Variants in FAXC observed in about 807,000 individuals in gnomAD.
FAXC encodes failed axon connections homolog.
FAXC carries 10 observed loss-of-function variants against 41.9 expected under a neutral mutation model. That is an observed-to-expected ratio of 0.24 (90% confidence interval 0.15 to 0.41). The LOEUF is 0.41. Among genes scored for constraint, FAXC ranks in the 10% least tolerant of loss-of-function variants. The pLI is 1.00. For missense variants in FAXC, 399 were observed against 510.9 expected (o/e 0.78, Z 2.11); for synonymous variants, 183 against 183.8 (o/e 1.00, Z 0.03).
intron 2 of FAXC, among the ~76,000 whole-genome samples, chr6:99,333,798 G>C (rs9321482): frequency 6.6e-6 from 1 of 151,934 alleles, no homozygotes; most frequent in African/African-American, 2.4e-5. Context: ...GATGGAAAAG[G>C]AAAAAAAAGA....
intron 5 of FAXC, among the ~76,000 whole-genome samples, chr6:99,286,569 G>A (rs956297045): frequency 1.3e-5 from 2 of 152,198 alleles, no homozygotes; most frequent in African/African-American, 4.8e-5. Context: ...AGCACAGAAG[G>A]TTGAGCTCCT....
intron 1 of FAXC, among the ~76,000 whole-genome samples, chr6:99,348,448 G>A (rs1458625538): frequency 6.6e-6 from 1 of 152,102 alleles, no homozygotes; most frequent in Non-Finnish European, 1.5e-5. Flanking sequence ...AACTGTTTAC[G>A]GCACTGGGCG....
rs766673194 is a variant in FAXC at position 99,281,374 on chromosome 6, A to G, written c.1020T>C (p.Asn340=). 6.2e-7 allele frequency: 1 copy of G among 1,614,134 alleles called. No individual in the cohort carries two copies. The highest frequency in any genetic ancestry group is 1.1e-5 in the South Asian group (1 of 91,078). ...TGCTCTCCTCAGACTCATAGATGGT[A>G]TTGTCATCATCGTGGTGCCACTCTG... is the stretch of plus-strand genomic sequence containing the variant. ...FWPEWHHDDD[N]TIYESEESSE... The change falls in exon 6 of 6, where the codon AAT becomes AAC. Residue 340 remains asparagine (N), a synonymous_variant. Coordinates refer to ENST00000389677, the MANE Select transcript of FAXC (RefSeq NM_032511.4).
At chr6:99,303,041 G>A (rs1771774462) in intron 4 of FAXC, among the ~76,000 whole-genome samples, 1 of 152,122 alleles carries the variant, frequency 6.6e-6, no homozygotes, top group Non-Finnish European at 1.5e-5. Flanking sequence ...AGTGGGGTCA[G>A]TGGGAAAAAA....
chr6:99,326,019 T>C (rs1772789472), intron 3 of FAXC, among the ~76,000 whole-genome samples: 1 of 152,174 alleles, frequency 6.6e-6, no homozygotes, highest in South Asian at 2.1e-4. Context: ...TGCAAGAACT[T>C]CTGTAAGGGG....
intron 4 of FAXC, among the ~76,000 whole-genome samples, chr6:99,297,468 G>A (rs774195085): frequency 3.3e-4 from 51 of 152,254 alleles, no homozygotes; most frequent in South Asian, 1.9e-3. Context: ...AAGCTGAAGC[G>A]AGCTGAACTT....
chr6:99,332,350 A>G (rs925874284), intron 3 of FAXC, among the ~76,000 whole-genome samples: 2 of 152,228 alleles, frequency 1.3e-5, no homozygotes, highest in African/African-American at 4.8e-5. Flanking sequence ...CTGCCTGCAG[A>G]TAACAATTAA....
intron 4 of FAXC, chr6:99,309,882 G>A: frequency 1.0e-6 from 1 of 983,634 alleles, no homozygotes; most frequent in South Asian, 4.7e-5. Context: ...TGGTTTTCAG[G>A]TCAAATTATT....
chr6:99,327,423 T>C (rs1772854734), intron 3 of FAXC, among the ~76,000 whole-genome samples: 1 of 152,200 alleles, frequency 6.6e-6, no homozygotes, highest in Non-Finnish European at 1.5e-5. Context: ...AAATCACTCT[T>C]GTTCAAGTCA....
intron 4 of FAXC, among the ~76,000 whole-genome samples, chr6:99,294,350 G>A (rs1771387478): frequency 6.6e-6 from 1 of 152,210 alleles, no homozygotes; most frequent in African/African-American, 2.4e-5. Flanking sequence ...AGTGAACGCA[G>A]GCAGGCAGAG....
At chr6:99,308,893 T>G (rs1314780722) in intron 4 of FAXC, among the ~76,000 whole-genome samples, 1 of 152,206 alleles carries the variant, frequency 6.6e-6, no homozygotes, top group Non-Finnish European at 1.5e-5. Context: ...AAATTTTCGT[T>G]TATTATATAA....
chr6:99,282,911 T>C (rs1200163012), intron 5 of FAXC, among the ~76,000 whole-genome samples: 1 of 152,224 alleles, frequency 6.6e-6, no homozygotes, highest in Non-Finnish European at 1.5e-5. Context: ...TTTACATATA[T>C]TTACATGTGC....
At chr6:99,305,211 T>C (rs1771873900) in intron 4 of FAXC, among the ~76,000 whole-genome samples, 1 of 152,194 alleles carries the variant, frequency 6.6e-6, no homozygotes, top group Non-Finnish European at 1.5e-5. Context: ...AGGTAACCAC[T>C]CTTAGTGTTA....
At chr6:99,348,813 A>G (rs973108147) in intron 1 of FAXC, among the ~76,000 whole-genome samples, 1 of 152,268 alleles carries the variant, frequency 6.6e-6, no homozygotes, top group African/African-American at 2.4e-5. Context: ...TGTTGCAAAC[A>G]CACTGCACTT....
Position 99,349,190 on chromosome 6 carries a change from G to A in FAXC, c.183C>T (p.Pro61=), listed in dbSNP as rs1200056257. 2 of 1,613,902 alleles carry A rather than the reference G, an allele frequency of 1.2e-6. No homozygotes were observed. Among genetic ancestry groups the A allele is most frequent in the Non-Finnish European group, 1.7e-6 (2 of 1,180,022 alleles). The change falls in exon 1 of 6, where the codon CCC becomes CCT. Residue 61 remains proline (P), a synonymous_variant. Transcript: ENST00000389677. ...GGIMAGLGSD[P]WWKKTLYLTG... is the part of the protein sequence containing the mutation. ...TCAAGTAAAGGGTTTTCTTCCACCA[G>A]GGATCGGAGCCCAGCCCTGCCATGA...
At chr6:99,311,487 A>T (rs1208821996) in intron 4 of FAXC, among the ~76,000 whole-genome samples, 1 of 152,210 alleles carries the variant, frequency 6.6e-6, no homozygotes, top group Non-Finnish European at 1.5e-5. Context: ...AGGCAGGAGA[A>T]TTGCTTGAAC....
chr6:99,314,119 A>G (rs1254411968), intron 4 of FAXC, among the ~76,000 whole-genome samples: 1 of 152,120 alleles, frequency 6.6e-6, no homozygotes, highest in Admixed American at 6.5e-5. Flanking sequence ...CCATTGCCTC[A>G]GCCTCCTGAG....
intron 4 of FAXC, among the ~76,000 whole-genome samples, chr6:99,310,768 G>A (rs1018154485): frequency 1.3e-5 from 2 of 152,176 alleles, no homozygotes; most frequent in Non-Finnish European, 2.9e-5. Context: ...TAACATGTGT[G>A]CGTAGATGTT....
intron 4 of FAXC, among the ~76,000 whole-genome samples, chr6:99,293,665 AGTGTGTGTGTGTGTGTGTGT>A (rs55827992): frequency 9.7e-5 from 12 of 123,272 alleles, no homozygotes; most frequent in East Asian, 2.2e-4. Flanking sequence ...CTCTATACAC[AGTGTGTGTGTGTGTGTGTGT>A]GTGTGTGTGT....
Sources: allele counts gnomAD v4.1 joint callset (sites outside exome capture counted in the v4.1 genomes callset), GRCh38; gene constraint gnomAD v4.1.1; transcripts MANE v1.5; gene names NCBI Gene and HGNC (gene_info 2026-07-23, HGNC 2026-07-21).